The following EXOSC7 variants were observed in gnomAD, a reference collection of about 807,000 sequenced individuals.
EXOSC7 encodes exosome component 7, also known as exosome complex component RRP42.
EXOSC7 carries 25 observed loss-of-function variants against 34.3 expected under a neutral mutation model. The ratio of observed to expected loss-of-function variants is 0.73; its 90% CI spans 0.53 to 1.02. The LOEUF (loss-of-function observed/expected upper bound fraction) is 1.02, where lower values mean the gene tolerates loss of function less well. EXOSC7 is among the 50% of genes least tolerant of loss of function. The probability of loss-of-function intolerance (pLI) is 0.00; values close to 1 mark genes in which losing one functional copy is unlikely to be tolerated. For missense variants in EXOSC7, 370 were observed against 368.5 expected, an observed-to-expected ratio of 1.00 and a Z score of -0.03; for synonymous variants, 130 against 143.0, an observed-to-expected ratio of 0.91 and a Z score of 0.65.
In EXOSC7 at chr3:45,011,308, C is replaced by A; in HGVS notation, c.845C>A (p.Pro282His). 1 of 1,612,830 alleles carries A rather than the reference C, an allele frequency of 6.2e-7. No homozygotes were observed. Among genetic ancestry groups the A allele is most frequent in the African/African-American group, 1.3e-5 (1 of 74,940 alleles). ...GTGCACAAGGAAGAAAGCCTGGGGC[C>A]CAAGAGACAGAAAGTTGGATTCCTG... ...SVVHKEESLG[P>H]KRQKVGFLG The change falls in exon 8 of 8, where the codon CCC becomes CAC. Residue 282 changes from proline to histidine, a missense_variant. Coordinates refer to ENST00000265564, the MANE Select transcript of EXOSC7 (RefSeq NM_015004.4).
intron 3 of EXOSC7, among the ~76,000 whole-genome samples, chr3:44,990,590 A>G (rs952616779): frequency 2.6e-5 from 4 of 152,194 alleles, no homozygotes; most frequent in Admixed American, 2.6e-4. Context: ...TAGACTTAGC[A>G]TATAGTGATA....
At chr3:45,003,845 C>A (rs1303605136) in intron 5 of EXOSC7, among the ~76,000 whole-genome samples, 1 of 152,124 alleles carries the variant, frequency 6.6e-6, no homozygotes, top group African/African-American at 2.4e-5. Flanking sequence ...ATACTATGTT[C>A]TGTTTTGTGT....
At position 44,976,264 on chromosome 3, in the gene EXOSC7, G is replaced by T; in HGVS notation, c.-14G>T. 6.5e-7 allele frequency: 1 copy of T among 1,549,322 alleles called. No individual in the cohort carries two copies. On this transcript the variant is annotated 5_prime_UTR_variant, in exon 1 of 8. Coordinates refer to ENST00000265564, the MANE Select transcript of EXOSC7 (RefSeq NM_015004.4). Reference sequence around the variant, plus strand: ...CGCGCAGATGACGTGCGGCTCGTGGGGCAGCTCGGCAGCATGGCGTCCGTG... The same window carrying T: ...CGCGCAGATGACGTGCGGCTCGTGGTGCAGCTCGGCAGCATGGCGTCCGTG...
At chr3:45,008,045 C>T (rs1707104383) in intron 7 of EXOSC7, among the ~76,000 whole-genome samples, 1 of 152,162 alleles carries the variant, frequency 6.6e-6, no homozygotes, top group South Asian at 2.1e-4. Context: ...TGGAGACAAG[C>T]AGGGATGGTA....
At chr3:45,011,751 A>G (rs768761567), downstream of EXOSC7, among the ~76,000 whole-genome samples, 1 of 152,206 alleles carries the variant, frequency 6.6e-6, no homozygotes. Flanking sequence ...GAGAGGAAAA[A>G]AGAGGAGGCA....
At chr3:45,004,630 AT>A (rs1370784902) in intron 5 of EXOSC7, 1 of 142,210 alleles carries the variant, frequency 7.0e-6, no homozygotes, top group East Asian at 2.0e-4. Flanking sequence ...TTTAATTTGC[AT>A]TTTTAATAGA....
rs781724260 is a variant in EXOSC7, at chr3:44,997,080, T to G, written c.255-7T>G. 8.1e-6 allele frequency: 13 copies of G among 1,613,522 alleles called. No homozygotes were observed. In the African/African-American group the frequency reaches 1.6e-4, roughly 20 times the overall value. On this transcript the variant is annotated splice_region_variant and splice_polypyrimidine_tract_variant and intron_variant, in intron 3 of 7. Transcript: ENST00000265564. ...TCACCCAGTTTTTTTGTTTCTGTTTTGTATAGTTCAGCCAGTGCTACCCCT... is the reference window on the plus strand; with the variant it reads ...TCACCCAGTTTTTTTGTTTCTGTTTGGTATAGTTCAGCCAGTGCTACCCCT...
At chr3:45,006,393 GTTGT>G (rs1354754285) in intron 6 of EXOSC7, among the ~76,000 whole-genome samples, 1 of 134,684 alleles carries the variant, frequency 7.4e-6, no homozygotes, top group Non-Finnish European at 1.6e-5. Flanking sequence ...GTTCTTTCTT[GTTGT>G]TTATTTGTTT....
chr3:45,004,234 G>C (rs1253555651), intron 5 of EXOSC7: 1 of 152,086 alleles, frequency 6.6e-6, no homozygotes, highest in East Asian at 1.9e-4. Context: ...AAGAGTTCCG[G>C]GTTGTTTCAC....
intron 7 of EXOSC7, among the ~76,000 whole-genome samples, chr3:45,007,983 G>A (rs1205340661): frequency 2.6e-5 from 4 of 152,200 alleles, no homozygotes; most frequent in Non-Finnish European, 1.5e-5. Context: ...TGGAAGCACG[G>A]GCTGAACTGT....
chr3:44,984,955 A>T (rs1308273142), intron 1 of EXOSC7, among the ~76,000 whole-genome samples: 2 of 152,248 alleles, frequency 1.3e-5, no homozygotes, highest in Non-Finnish European at 2.9e-5. Context: ...GGCTTGTCCT[A>T]AGTCAAGTGG....
At chr3:44,978,042 T>C (rs1460877499) in intron 1 of EXOSC7, among the ~76,000 whole-genome samples, 1 of 152,128 alleles carries the variant, frequency 6.6e-6, no homozygotes, top group African/African-American at 2.4e-5. Context: ...TGCCAAAACA[T>C]GGTTGTGAAA....
intron 4 of EXOSC7, among the ~76,000 whole-genome samples, chr3:44,998,967 A>G (rs976433878): frequency 6.6e-6 from 1 of 152,150 alleles, no homozygotes; most frequent in Non-Finnish European, 1.5e-5. Context: ...GAAGAAGTTT[A>G]TGTCCCCTCC....
chr3:44,997,201 C>A lies in EXOSC7; in HGVS notation c.369C>A (p.Thr123=), dbSNP rs1706746037. 2 of 1,613,698 alleles carry A rather than the reference C, an allele frequency of 1.2e-6. No individual in the cohort carries two copies. The highest frequency in any genetic ancestry group is 1.7e-5 in the Admixed American group (1 of 59,938). ...ATAAAAGCAGTGTCGACTTAAAGAC[C>A]CTCTGCATTAGTCCTCGGGAGCACT... ...FNNKSSVDLK[T]LCISPREHCW... Residue 123 remains threonine, a synonymous_variant, in exon 4 of 8, where the codon ACC becomes ACA. Coordinates refer to ENST00000265564, the MANE Select transcript of EXOSC7 (RefSeq NM_015004.4).
intron 1 of EXOSC7, among the ~76,000 whole-genome samples, chr3:44,987,291 C>G (rs1403697951): frequency 1.3e-5 from 2 of 152,192 alleles, no homozygotes; most frequent in East Asian, 3.8e-4. Flanking sequence ...AGTGACATTT[C>G]TCTGAGCATA....
intron 7 of EXOSC7, among the ~76,000 whole-genome samples, chr3:45,010,556 GT>G (rs907252988): frequency 5.0e-4 from 76 of 152,216 alleles, no homozygotes; most frequent in Non-Finnish European, 7.8e-4. Context: ...GCCATATTGA[GT>G]TTTTTTGTTT....
In EXOSC7 at chr3:44,979,589, T is replaced by G. The variant is rs200748130; in HGVS notation, c.57+3255T>G. The stretch of plus-strand genomic sequence containing the variant: ...CTCCAGGAATCCTAATCTCTGCTGG[T>G]TTTTTTTTTCCCCCTCTTTGCTTTG... On this transcript the variant is annotated intron_variant, in intron 1 of 7. Coordinates refer to ENST00000265564, the MANE Select transcript of EXOSC7 (RefSeq NM_015004.4). Among the ~76,000 whole-genome samples, 602 of 110,754 alleles carry G rather than the reference T, an allele frequency of 5.4e-3. 3 individuals carry two copies. The highest frequency in any genetic ancestry group is 0.016 in the African/African-American group (488 of 30,728). The allele number at this position is 110,754 out of a possible 152,430, so 72.7% of individuals were successfully genotyped here.
chr3:45,003,968 ATCCAGTCTACTG>A (rs1474273692), intron 5 of EXOSC7, among the ~76,000 whole-genome samples: 13 of 152,154 alleles, frequency 8.5e-5, no homozygotes, highest in Non-Finnish European at 1.3e-4. Flanking sequence ...TCTGCTGTTT[ATCCAGTCTACTG>A]TCCAGTCTGC....
intron 4 of EXOSC7, among the ~76,000 whole-genome samples, chr3:44,997,603 G>A (rs1706757061): frequency 6.6e-6 from 1 of 152,218 alleles, no homozygotes; most frequent in Non-Finnish European, 1.5e-5. Flanking sequence ...ATTCTGTGTG[G>A]AAGGATGATT....
Sources: allele counts gnomAD v4.1 joint callset (sites outside exome capture counted in the v4.1 genomes callset), GRCh38; gene constraint gnomAD v4.1.1; transcripts MANE v1.5; gene names NCBI Gene and HGNC (gene_info 2026-07-23, HGNC 2026-07-21).